Variants in TRAPPC9 observed in about 807,000 individuals in gnomAD.
The protein encoded by TRAPPC9 is trafficking protein particle complex subunit 9, also known as IKK2 binding protein.
A neutral mutation model predicts 124.0 loss-of-function variants in TRAPPC9; 83 were observed. The observed-to-expected ratio is 0.67, with a 90% CI of 0.56 to 0.80. The LOEUF (loss-of-function observed/expected upper bound fraction) is 0.80. Ranked by LOEUF, TRAPPC9 falls within the 30% of genes least tolerant of loss-of-function variation. The pLI, the probability that TRAPPC9 is intolerant of heterozygous loss-of-function variation, is 0.00. For missense variants in TRAPPC9, 1,302 were observed against 1,508.3 expected (o/e 0.86, Z 2.27); for synonymous variants, 638 against 617.5 (o/e 1.03, Z -0.49).
intron 5 of TRAPPC9, among the ~76,000 whole-genome samples, chr8:140,410,461 G>A (rs563244278): frequency 2.7e-5 from 4 of 150,748 alleles, no homozygotes; most frequent in East Asian, 4.0e-4. Context: ...GCTTCAACCC[G>A]GGAAGCAGAG....
intron 19 of TRAPPC9, among the ~76,000 whole-genome samples, chr8:139,965,268 C>T (rs1835627071): frequency 6.6e-6 from 1 of 152,170 alleles, no homozygotes; most frequent in Non-Finnish European, 1.5e-5. Flanking sequence ...TAGGATAGTC[C>T]TGTGTTTTCT....
chr8:140,052,602 T>C (rs1842066306), intron 17 of TRAPPC9, among the ~76,000 whole-genome samples: 1 of 152,142 alleles, frequency 6.6e-6, no homozygotes, highest in African/African-American at 2.4e-5. Context: ...GCCAACATGG[T>C]GAAACCCTGT....
At chr8:140,024,841 G>A (rs1032171806) in intron 17 of TRAPPC9, among the ~76,000 whole-genome samples, 2 of 152,134 alleles carry the variant, frequency 1.3e-5, no homozygotes, top group African/African-American at 4.8e-5. Context: ...GGGGGCGGGG[G>A]TGCTTCTATC....
At chr8:140,233,675 AC>A (rs1207811114) in intron 16 of TRAPPC9, among the ~76,000 whole-genome samples, 1 of 94,356 alleles carries the variant, frequency 1.1e-5, no homozygotes, top group African/African-American at 4.1e-5. Context: ...TCTCTCCCCT[AC>A]CACACACACA....
intron 19 of TRAPPC9, among the ~76,000 whole-genome samples, chr8:139,964,880 G>A (rs1433691427): frequency 5.9e-5 from 9 of 152,176 alleles, no homozygotes; most frequent in East Asian, 1.9e-4. Flanking sequence ...AGAAGCTTAC[G>A]TGAAAGCAGG....
rs111448131 is a variant in TRAPPC9 at position 139,782,484 on chromosome 8, A to G, written c.3056-50282T>C. 2.5e-3 allele frequency among the ~76,000 whole-genome samples: 377 copies of G among 152,374 alleles called. 2 individuals are homozygous for G. The highest frequency in any genetic ancestry group is 8.3e-3 in the African/African-American group (344 of 41,588). The stretch of plus-strand genomic sequence containing the variant: ...ATTATAAAGTTATAAATGCCATTTC[A>G]TAAGTATAAAGGGGTCAATTCCTCA... On this transcript the variant is annotated intron_variant, in intron 21 of 22. Transcript: ENST00000438773.
At chr8:139,910,022 G>A in intron 20 of TRAPPC9, 125 bp downstream of exon 20, 2 of 1,124,312 alleles carry the variant, frequency 1.8e-6, no homozygotes, top group South Asian at 2.9e-5. Flanking sequence ...ACATCTCCTT[G>A]CCACAGCATT....
At chr8:140,254,952 C>T (rs973974116) in intron 15 of TRAPPC9, among the ~76,000 whole-genome samples, 2 of 152,146 alleles carry the variant, frequency 1.3e-5, no homozygotes, top group Non-Finnish European at 2.9e-5. Flanking sequence ...AGAGCTTGAC[C>T]AAAATCCCCA....
intron 12 of TRAPPC9, among the ~76,000 whole-genome samples, chr8:140,289,174 A>AGTGTGTGTGTGT (rs71320349): frequency 4.7e-5 from 7 of 148,314 alleles, no homozygotes; most frequent in Admixed American, 4.7e-4. Flanking sequence ...ATATATATAT[A>AGTGTGTGTGTGT]GTGTGTGTGT....
chr8:139,771,767 C>T (rs1045807599), intron 21 of TRAPPC9, among the ~76,000 whole-genome samples: 25 of 152,230 alleles, frequency 1.6e-4, no homozygotes, highest in African/African-American at 5.1e-4. Context: ...ACCCCAGAGC[C>T]GCCAGGCTGG....
At chr8:139,949,746 G>C (rs1587318073) in intron 19 of TRAPPC9, among the ~76,000 whole-genome samples, 2 of 152,202 alleles carry the variant, frequency 1.3e-5, no homozygotes, top group African/African-American at 4.8e-5. Flanking sequence ...GGGGGTGGGG[G>C]AAGTGGAAAG....
chr8:140,066,302 G>A (rs1216910673), intron 17 of TRAPPC9, among the ~76,000 whole-genome samples: 5 of 152,316 alleles, frequency 3.3e-5, no homozygotes, highest in African/African-American at 1.2e-4. Context: ...AAGTGGGGTG[G>A]AGAGTTCACA....
intron 10 of TRAPPC9, among the ~76,000 whole-genome samples, chr8:140,304,098 T>C (rs2066054689): frequency 6.6e-6 from 1 of 150,848 alleles, no homozygotes; most frequent in Non-Finnish European, 1.5e-5. Flanking sequence ...ACTTAATTTT[T>C]TTTTTTTTTT....
chr8:140,269,107 G>A (rs2064790907), intron 15 of TRAPPC9, among the ~76,000 whole-genome samples: 1 of 147,192 alleles, frequency 6.8e-6, no homozygotes, highest in African/African-American at 2.5e-5. Flanking sequence ...CTCACTAAAT[G>A]GTACACGAGA....
chr8:140,004,425 T>C (rs560552413), intron 18 of TRAPPC9, among the ~76,000 whole-genome samples: 5 of 152,292 alleles, frequency 3.3e-5, no homozygotes, highest in African/African-American at 4.8e-5. Context: ...CACAGTGCAT[T>C]AAGTTTACTC....
At chr8:139,830,527 T>TAC (rs1192491922) in intron 21 of TRAPPC9, among the ~76,000 whole-genome samples, 2 of 147,784 alleles carry the variant, frequency 1.4e-5, no homozygotes, top group Non-Finnish European at 3.0e-5. Context: ...TGAATACATA[T>TAC]ACACACATGC....
chr8:139,902,828 G>C (rs535950264), intron 20 of TRAPPC9, among the ~76,000 whole-genome samples: 21 of 152,294 alleles, frequency 1.4e-4, no homozygotes, highest in Admixed American at 1.3e-3. Flanking sequence ...TCAGCGGAAG[G>C]CAACTCCTCC....
At chr8:139,751,878 C>A (rs1256859361) in intron 21 of TRAPPC9, among the ~76,000 whole-genome samples, 1 of 151,748 alleles carries the variant, frequency 6.6e-6, no homozygotes, top group Non-Finnish European at 1.5e-5. Context: ...CACCATCTAC[C>A]CATCCATCCA....
chr8:140,376,246 A>T (rs2132265442), intron 7 of TRAPPC9, among the ~76,000 whole-genome samples: 1 of 152,300 alleles, frequency 6.6e-6, no homozygotes, highest in East Asian at 1.9e-4. Flanking sequence ...AGTAGAGGAG[A>T]TAGGTCCATA....
Sources: gnomAD v4.1 joint callset for allele counts (sites outside exome capture counted in the v4.1 genomes callset) on GRCh38, gnomAD v4.1.1 for gene constraint, MANE v1.5 for transcripts, NCBI Gene and HGNC (gene_info 2026-07-23, HGNC 2026-07-21) for gene names.